The following ABCB11 variants were observed in gnomAD, a reference collection of about 807,000 sequenced individuals.
ABCB11 encodes the protein bile salt export pump.
Under a neutral mutation model 148.0 loss-of-function variants are expected in ABCB11, and 95 were observed. The ratio of observed to expected loss-of-function variants is 0.64; its 90% CI spans 0.54 to 0.76. The LOEUF is 0.76. ABCB11 is among the 30% of genes least tolerant of loss of function. The probability of loss-of-function intolerance (pLI) is 0.00; values close to 1 mark genes in which losing one functional copy is unlikely to be tolerated. For missense variants in ABCB11, 1,523 were observed against 1,617.8 expected (o/e 0.94, Z 1.01); for synonymous variants, 591 against 555.4 (o/e 1.06, Z -0.90).
intron 8 of ABCB11, 92 bp downstream of exon 8, chr2:168,993,619 T>G: frequency 8.5e-7 from 1 of 1,175,644 alleles, no homozygotes; most frequent in Non-Finnish European, 1.2e-6. Flanking sequence ...TGTTGCTAAC[T>G]GTACTCAGGA....
Position 169,013,445 on chromosome 2 carries a change from A to G in ABCB11, c.216T>C (p.His72=), listed in dbSNP as rs1174260635. Residue 72 remains histidine, a synonymous_variant, in exon 5 of 28, where the codon CAT becomes CAC. Coordinates refer to ENST00000650372, the MANE Select transcript of ABCB11 (RefSeq NM_003742.4). ...GTAGCACGCCTGGCTGGGCTATTCCATGGAGAAATGCACACAAACTTCCCA... is the reference window on the plus strand; with the variant it reads ...GTAGCACGCCTGGCTGGGCTATTCCGTGGAGAAATGCACACAAACTTCCCA... ...MFVGSLCAFL[H]GIAQPGVLLI... 8 of 1,613,686 alleles carry G rather than the reference A, an allele frequency of 5.0e-6. No homozygotes were observed. In the African/African-American group the frequency reaches 9.3e-5, roughly 19 times the overall value.
intron 21 of ABCB11, 96 bp from the exon 22 acceptor site, chr2:168,936,529 T>C: frequency 9.3e-7 from 1 of 1,074,514 alleles, no homozygotes; most frequent in South Asian, 1.4e-5. Context: ...AAAGTTGTGA[T>C]AAAATATACA....
At position 168,921,753 on chromosome 2, in the gene ABCB11, G is replaced by A. The variant is rs556972863; in HGVS notation, c.*1869C>T. 1.3e-5 allele frequency among the ~76,000 whole-genome samples: 2 copies of A among 151,966 alleles called. No homozygotes were observed. Among genetic ancestry groups the A allele is most frequent in the Admixed American group, 1.3e-4 (2 of 15,274 alleles). On this transcript the variant is annotated 3_prime_UTR_variant, in exon 28 of 28. Transcript: ENST00000650372. ...CAAAAAGCCTGGGGAAGCTCTGATC[G>A]AGTGGGTGCTTGTTGGTTGACAGGT... is the stretch of plus-strand genomic sequence containing the variant.
chr2:168,929,870 A>G (rs1691487385), intron 25 of ABCB11, among the ~76,000 whole-genome samples: 1 of 152,172 alleles, frequency 6.6e-6, no homozygotes, highest in South Asian at 2.1e-4. Flanking sequence ...AATAAATCAC[A>G]GAGAGTCTAA....
rs760637527 is a variant in ABCB11, at chr2:168,936,320, G to A, written c.2724C>T (p.Phe908=). ...TGGCTCCTGATAAAGCCAAGAAGGG[G>A]AAGAAGCACAAGATGACCAGGCTCA... ...WKLSLVILCF[F]PFLALSGATQ... is the part of the protein sequence containing the mutation. The change falls in exon 22 of 28, where the codon TTC becomes TTT. Residue 908 remains phenylalanine, a synonymous_variant. Transcript: ENST00000650372. 6.8e-6 allele frequency: 11 copies of A among 1,613,846 alleles called. No homozygotes were observed. The highest frequency in any genetic ancestry group is 2.2e-5 in the East Asian group (1 of 44,888).
At chr2:169,016,183 C>G (rs558000158) in intron 3 of ABCB11, among the ~76,000 whole-genome samples, 1 of 152,304 alleles carries the variant, frequency 6.6e-6, no homozygotes, top group South Asian at 2.1e-4. Flanking sequence ...CCTGACCACT[C>G]CCAGCCCAAA....
Position 168,976,683 on chromosome 2 carries a change from G to T in ABCB11, c.1202C>A (p.Pro401His). ...TSIFETIDRK[P>H]IIDCMSEDGY... ...ATCTTCTGACATGCAGTCAATGATG[G>T]GTTTCTGGAGTGAAATACAAAAGGG... Residue 401 changes from proline (P) to histidine (H), a missense_variant, in exon 12 of 28, where the codon CCC becomes CAC. Coordinates refer to ENST00000650372, the MANE Select transcript of ABCB11 (RefSeq NM_003742.4). 1.0e-5 allele frequency: 16 copies of T among 1,601,878 alleles called. No individual in the cohort carries two copies. The highest frequency in any genetic ancestry group is 1.1e-5 in the Non-Finnish European group (13 of 1,169,804).
At chr2:168,932,615 GCCCTGGTTCTGCC>G in intron 23 of ABCB11, 82 bp from the exon 24 acceptor site, 1 of 1,517,732 alleles carries the variant, frequency 6.6e-7, no homozygotes, top group Non-Finnish European at 8.9e-7. Flanking sequence ...TGGGGATCTA[GCCCTGGTTCTGCC>G]AGGAAAGGAC....
In ABCB11 at chr2:168,990,943, G is replaced by C; in HGVS notation, c.784-18C>G. On this transcript the variant is annotated intron_variant, in intron 8 of 27. Transcript: ENST00000650372. ...GACACACTCTAAAAATCAAAAAGAA[G>C]AAAAGAAAATGTGAAGTCCAAGAAA... 1 of 1,608,298 alleles carries C rather than the reference G, an allele frequency of 6.2e-7. No individual in the cohort carries two copies. The highest frequency in any genetic ancestry group is 8.5e-7 in the Non-Finnish European group (1 of 1,177,798).
At chr2:168,987,155 G>A (rs1404007166) in intron 9 of ABCB11, among the ~76,000 whole-genome samples, 1 of 152,086 alleles carries the variant, frequency 6.6e-6, no homozygotes, top group Non-Finnish European at 1.5e-5. Flanking sequence ...ATAATAAGAG[G>A]TTGTAAATCC....
Position 168,970,037 on chromosome 2 carries a change from C to T in ABCB11, c.1809+8G>A, listed in dbSNP as rs1574447919. 2 of 1,478,104 alleles carry T rather than the reference C, an allele frequency of 1.4e-6. No individual in the cohort carries two copies. Among genetic ancestry groups the T allele is most frequent in the East Asian group, 3.1e-5 (1 of 32,564 alleles). 91.6% of individuals were successfully genotyped at this position (1,478,104 alleles called of 1,614,324 possible). A position where few individuals can be genotyped will look rare whatever the true frequency, so the allele number is the denominator to read the frequency against. ...GGACCTGTAAAATGGACTAAGACTT[C>T]CACAAACCTTACTCAGCACTTCTTG... On this transcript the variant is annotated splice_region_variant and intron_variant, in intron 15 of 27. Transcript: ENST00000650372.
chr2:169,006,983 A>G (rs530155229), intron 5 of ABCB11, among the ~76,000 whole-genome samples: 24 of 152,348 alleles, frequency 1.6e-4, no homozygotes, highest in African/African-American at 4.8e-4. Context: ...TACAGAGTCA[A>G]TGCAATTCCT....
chr2:169,024,282 A>C (rs1275632113), intron 1 of ABCB11, among the ~76,000 whole-genome samples: 1 of 152,184 alleles, frequency 6.6e-6, no homozygotes, highest in Admixed American at 6.5e-5. Flanking sequence ...CTTGGGATGG[A>C]GGCACTATGC....
At position 168,993,040 on chromosome 2, in the gene ABCB11, T is replaced by C. The variant is rs372278625; in HGVS notation, c.783+671A>G. 7.9e-5 allele frequency among the ~76,000 whole-genome samples: 12 copies of C among 152,146 alleles called. No homozygotes were observed. The East Asian group carries it at 9.7e-4, about 12-fold the overall frequency. ...TAGCTGATGTGACCCGAAATTCCTA[T>C]TCCTATATGTTGTCCAGGCCTCAAT... On this transcript the variant is annotated intron_variant, in intron 8 of 27. Coordinates refer to ENST00000650372, the MANE Select transcript of ABCB11 (RefSeq NM_003742.4).
intron 1 of ABCB11, among the ~76,000 whole-genome samples, chr2:169,020,741 G>A (rs963113242): frequency 1.4e-4 from 21 of 152,014 alleles, no homozygotes; most frequent in African/African-American, 4.6e-4. Flanking sequence ...GGGGTGGGAG[G>A]GGAATGAGGA....
At position 168,946,841 on chromosome 2, in the gene ABCB11, C is replaced by T. The variant is rs373582464; in HGVS notation, c.2344-1880G>A. ...GTGCAGTGGTTTTCTATTGGGTATGCTCTTTTAGCTTTTTGTATTACTTAC... is the reference window on the plus strand; with the variant it reads ...GTGCAGTGGTTTTCTATTGGGTATGTTCTTTTAGCTTTTTGTATTACTTAC... On this transcript the variant is annotated intron_variant, in intron 19 of 27. Coordinates refer to ENST00000650372, the MANE Select transcript of ABCB11 (RefSeq NM_003742.4). Among the ~76,000 whole-genome samples the T allele has an allele frequency of 7.3e-5, 11 of 151,644 alleles. 1 individual carries two copies. Among genetic ancestry groups the T allele is most frequent in the Admixed American group, 2.0e-4 (3 of 15,174 alleles).
At chr2:168,957,891 C>A in intron 19 of ABCB11, 73 bp downstream of exon 19, 2 of 1,300,754 alleles carry the variant, frequency 1.5e-6, no homozygotes, top group South Asian at 2.2e-5. Flanking sequence ...TACATGAAAA[C>A]AAAGAGCGGA....
intron 18 of ABCB11, among the ~76,000 whole-genome samples, chr2:168,961,871 A>C (rs1693094252): frequency 1.3e-5 from 2 of 151,710 alleles, no homozygotes; most frequent in Non-Finnish European, 1.5e-5. Context: ...ACCGTAAGAG[A>C]GTATTTCCCA....
At chr2:168,956,334 C>A (rs1692790245) in intron 19 of ABCB11, among the ~76,000 whole-genome samples, 1 of 151,688 alleles carries the variant, frequency 6.6e-6, no homozygotes, top group Admixed American at 6.6e-5. Flanking sequence ...AAAGCCACAC[C>A]ATTATTGGTT....
Sources: gnomAD v4.1 joint callset for allele counts (sites outside exome capture counted in the v4.1 genomes callset) on GRCh38, gnomAD v4.1.1 for gene constraint, MANE v1.5 for transcripts, NCBI Gene and HGNC (gene_info 2026-07-23, HGNC 2026-07-21) for gene names.